Variants in CDKAL1 observed in about 807,000 individuals in gnomAD.
CDKAL1 encodes the protein threonylcarbamoyladenosine tRNA methylthiotransferase.
A neutral mutation model predicts 68.2 loss-of-function variants in CDKAL1; 32 were observed. That is an observed-to-expected ratio of 0.47 (90% confidence interval 0.35 to 0.63). The LOEUF (loss-of-function observed/expected upper bound fraction) is 0.63, where lower values mean the gene tolerates loss of function less well. CDKAL1 is among the 30% of genes least tolerant of loss of function. The probability of loss-of-function intolerance (pLI) is 0.00; values close to 1 mark genes in which losing one functional copy is unlikely to be tolerated. For synonymous variants in CDKAL1, 234 were observed against 244.3 expected, an observed-to-expected ratio of 0.96 and a Z score of 0.39; for missense variants, 606 against 696.7, an observed-to-expected ratio of 0.87 and a Z score of 1.47.
chr6:21,170,783 G>A (rs561058487), intron 13 of CDKAL1, among the ~76,000 whole-genome samples: 31 of 151,842 alleles, frequency 2.0e-4, no homozygotes, highest in African/African-American at 7.0e-4. Context: ...TACAGAGGCC[G>A]AGGAAGACAG....
At chr6:21,208,913 C>G (rs1331432935) in intron 15 of CDKAL1, among the ~76,000 whole-genome samples, 2 of 152,164 alleles carry the variant, frequency 1.3e-5, no homozygotes, top group African/African-American at 4.8e-5. Context: ...TGAGTACCAT[C>G]CAAAGTATCA....
intron 9 of CDKAL1, among the ~76,000 whole-genome samples, chr6:20,896,404 T>A (rs1369843941): frequency 1.3e-5 from 2 of 152,174 alleles, no homozygotes; most frequent in East Asian, 3.9e-4. Context: ...GGCCTCTTTT[T>A]TTCTTTTGAA....
At chr6:20,730,716 G>A (rs1051772635) in intron 5 of CDKAL1, among the ~76,000 whole-genome samples, 8 of 151,736 alleles carry the variant, frequency 5.3e-5, no homozygotes, top group African/African-American at 1.9e-4. Context: ...GTGGTGGCAC[G>A]TGCCTGTAAT....
chr6:20,919,632 T>C (rs1318238368), intron 9 of CDKAL1, among the ~76,000 whole-genome samples: 2 of 152,232 alleles, frequency 1.3e-5, no homozygotes, highest in Non-Finnish European at 2.9e-5. Flanking sequence ...TCCATGTCCC[T>C]GCAAAGGACA....
intron 11 of CDKAL1, among the ~76,000 whole-genome samples, chr6:21,033,441 T>C (rs1358983178): frequency 6.6e-6 from 1 of 151,932 alleles, no homozygotes; most frequent in Non-Finnish European, 1.5e-5. Flanking sequence ...ACCGTTGATA[T>C]CATAGAAGAA....
chr6:20,719,963 C>G (rs1257548664), intron 5 of CDKAL1, among the ~76,000 whole-genome samples: 2 of 152,180 alleles, frequency 1.3e-5, no homozygotes, highest in Non-Finnish European at 1.5e-5. Context: ...TCTACAGGCT[C>G]CCCTCCATTT....
intron 9 of CDKAL1, among the ~76,000 whole-genome samples, chr6:20,879,971 TTTTA>T (rs1186246035): frequency 1.3e-5 from 2 of 152,224 alleles, no homozygotes; most frequent in East Asian, 1.9e-4. Context: ...GAAGACTGTG[TTTTA>T]TTTATCAAGA....
intron 4 of CDKAL1, among the ~76,000 whole-genome samples, chr6:20,588,219 T>A (rs1291897505): frequency 1.3e-5 from 2 of 152,244 alleles, no homozygotes; most frequent in Non-Finnish European, 2.9e-5. Context: ...AGGCTGATCC[T>A]TGATTCCCTT....
At chr6:21,144,122 T>A (rs1776051088) in intron 13 of CDKAL1, among the ~76,000 whole-genome samples, 1 of 152,232 alleles carries the variant, frequency 6.6e-6, no homozygotes. Context: ...GTTAGTTACT[T>A]TCATTTGTGT....
intron 8 of CDKAL1, among the ~76,000 whole-genome samples, chr6:20,837,876 A>G (rs1778011741): frequency 6.6e-6 from 1 of 151,144 alleles, no homozygotes; most frequent in Admixed American, 6.6e-5. Flanking sequence ...AAAACAACCT[A>G]CAACCCCAAA....
At chr6:21,104,268 G>A (rs182044412) in intron 12 of CDKAL1, among the ~76,000 whole-genome samples, 3 of 152,256 alleles carry the variant, frequency 2.0e-5, no homozygotes, top group Non-Finnish European at 2.9e-5. Context: ...TATTATGCTT[G>A]GTACGTTCAT....
intron 12 of CDKAL1, among the ~76,000 whole-genome samples, chr6:21,088,325 A>G (rs1276683209): frequency 6.6e-6 from 1 of 152,240 alleles, no homozygotes; most frequent in Non-Finnish European, 1.5e-5. Context: ...AGAAGACTTC[A>G]TTTCCCCATA....
At chr6:20,701,231 G>T (rs528438372) in intron 5 of CDKAL1, among the ~76,000 whole-genome samples, 1 of 150,874 alleles carries the variant, frequency 6.6e-6, no homozygotes, top group Middle Eastern at 3.2e-3. Flanking sequence ...GATGACTTAT[G>T]GGCTCAATCT....
In CDKAL1 at chr6:20,740,307, CTGT is replaced by C. The variant is rs566148462; in HGVS notation, c.468+697_468+699del. On this transcript the variant is annotated intron_variant, in intron 6 of 15. Coordinates refer to ENST00000274695, the MANE Select transcript of CDKAL1 (RefSeq NM_017774.3). ...TGAAAAAAATCTTCCCGTTGTATTTCTGTTGTTAGCATACTTTTTTTTGGGGGG... is the reference window on the plus strand; with the variant it reads ...TGAAAAAAATCTTCCCGTTGTATTTCTGTTAGCATACTTTTTTTTGGGGGG... 1.2e-4 allele frequency among the ~76,000 whole-genome samples: 18 copies of C among 152,220 alleles called. No homozygotes were observed. The East Asian group carries it at 3.3e-3, about 28-fold the overall frequency.
At chr6:20,911,819 T>C (rs946727540) in intron 9 of CDKAL1, among the ~76,000 whole-genome samples, 3 of 152,258 alleles carry the variant, frequency 2.0e-5, no homozygotes, top group Admixed American at 2.0e-4. Flanking sequence ...CACTGTGATA[T>C]TTCTATTCCA....
At chr6:20,544,965 TTGTGTG>T (rs70990042) in intron 2 of CDKAL1, among the ~76,000 whole-genome samples, 3,912 of 149,396 alleles carry the variant, frequency 0.026, 138 homozygotes, top group African/African-American at 0.078. Context: ...GATTACAGTT[TTGTGTG>T]TGTGTGTGTG....
chr6:20,927,400 G>T (rs1246641249), intron 9 of CDKAL1, among the ~76,000 whole-genome samples: 1 of 152,168 alleles, frequency 6.6e-6, no homozygotes, highest in African/African-American at 2.4e-5. Context: ...CAGTCTTCAT[G>T]CTTCAGCACC....
chr6:20,858,829 A>T (rs1207053759), intron 9 of CDKAL1, among the ~76,000 whole-genome samples: 1 of 152,178 alleles, frequency 6.6e-6, no homozygotes, highest in Non-Finnish European at 1.5e-5. Context: ...AATTACTTTT[A>T]AAAGGAAGTA....
intron 15 of CDKAL1, among the ~76,000 whole-genome samples, chr6:21,213,447 G>C: frequency 6.6e-6 from 1 of 152,180 alleles, no homozygotes; most frequent in East Asian, 1.9e-4. Flanking sequence ...CGAGGAATTG[G>C]TCATTGGTCT....
Sources: gnomAD v4.1 joint callset for allele counts (sites outside exome capture counted in the v4.1 genomes callset) on GRCh38, gnomAD v4.1.1 for gene constraint, MANE v1.5 for transcripts, NCBI Gene and HGNC (gene_info 2026-07-23, HGNC 2026-07-21) for gene names.